PRDM1: variants seen among roughly 807,000 people sequenced by gnomAD.
PRDM1 encodes PR/SET domain 1, also known as PR domain zinc finger protein 1.
In PRDM1, 13 loss-of-function variants were observed where a neutral mutation model predicts 62.8. That is an observed-to-expected ratio of 0.21 (90% CI 0.13 to 0.33). The LOEUF (loss-of-function observed/expected upper bound fraction) is 0.33, where lower values mean the gene tolerates loss of function less well. Among genes scored for constraint, PRDM1 ranks in the 10% least tolerant of loss-of-function variants. The pLI is 1.00. For synonymous variants in PRDM1, 396 were observed against 417.6 expected (o/e 0.95, Z 0.63); for missense variants, 895 against 1,058.8 (o/e 0.85, Z 2.15).
intron 1 of PRDM1, among the ~76,000 whole-genome samples, chr6:106,021,455 A>T (rs753229678): frequency 6.6e-6 from 1 of 152,176 alleles, no homozygotes; most frequent in Non-Finnish European, 1.5e-5. Context: ...GTAAGCCCAG[A>T]CAGGGTTGGT....
chr6:106,105,655 A>C lies in PRDM1; in HGVS notation c.1495A>C (p.Thr499Pro), dbSNP rs1774456868. ...VPAPHSAFSF[T>P]GAAASMKDKA... is the part of the protein sequence containing the mutation. ...GGCGCCCCACAGTGCCTTCTCCTTT[A>C]CCGGGGCCGCCGCCAGCATGAAGGA... Residue 499 changes from threonine (T) to proline (P), a missense_variant, in exon 5 of 7, where the codon ACC becomes CCC. Thr to Pro is a conservative substitution (Grantham distance 38, BLOSUM62 -1). Transcript: ENST00000369096. 6.2e-7 allele frequency: 1 copy of C among 1,612,280 alleles called. No individual in the cohort carries two copies. Among genetic ancestry groups the C allele is most frequent in the Non-Finnish European group, 8.5e-7 (1 of 1,178,834 alleles).
At chr6:106,034,343 G>C (rs1562149307) in intron 1 of PRDM1, among the ~76,000 whole-genome samples, 1 of 151,810 alleles carries the variant, frequency 6.6e-6, no homozygotes, top group Non-Finnish European at 1.5e-5. Flanking sequence ...TATATAGTTA[G>C]GTTGTTGATT....
chr6:106,099,177 T>C (rs1774195460), intron 3 of PRDM1, 123 bp from the exon 4 acceptor site: 1 of 1,603,028 alleles, frequency 6.2e-7, no homozygotes, highest in African/African-American at 1.3e-5. Context: ...GATTGGATTC[T>C]TTTTCTAACT....
chr6:106,014,449 AAAAC>A (rs889913834), intron 1 of PRDM1, among the ~76,000 whole-genome samples: 14 of 151,706 alleles, frequency 9.2e-5, no homozygotes, highest in African/African-American at 2.9e-4. Flanking sequence ...TTCAAAAAAA[AAAAC>A]TTGAATAAAA....
In PRDM1 at chr6:106,086,452, G is replaced by A; in HGVS notation, c.-102G>A. On this transcript the variant is annotated 5_prime_UTR_variant, in exon 1 of 7. Coordinates refer to ENST00000369096, the MANE Select transcript of PRDM1 (RefSeq NM_001198.4). ...GACGCGGGCGCCCGGGCGGCCGGAC[G>A]AAGCGAGGAGGGACCGCCGAGGTGC... The A allele has an allele frequency of 8.2e-7, 1 of 1,216,332 alleles. No individual in the cohort carries two copies. The highest frequency in any genetic ancestry group is 1.2e-6 in the Non-Finnish European group (1 of 867,808). 75.3% of individuals were successfully genotyped at this position (1,216,332 alleles called of 1,614,324 possible). A position where few individuals can be genotyped will look rare whatever the true frequency, so the allele number is the denominator to read the frequency against.
chr6:106,092,514 G>A (rs1773993165), intron 2 of PRDM1, among the ~76,000 whole-genome samples: 1 of 152,162 alleles, frequency 6.6e-6, no homozygotes, highest in South Asian at 2.1e-4. Flanking sequence ...CTTGAGTTAG[G>A]TGAACACATT....
At chr6:106,003,353 C>A (rs1772449777) in intron 1 of PRDM1, among the ~76,000 whole-genome samples, 2 of 152,078 alleles carry the variant, frequency 1.3e-5, no homozygotes, top group South Asian at 4.1e-4. Context: ...TTTAGTTAAC[C>A]CTCAGGGTGG....
intron 1 of PRDM1, among the ~76,000 whole-genome samples, chr6:106,053,696 A>T (rs1773217381): frequency 6.6e-6 from 1 of 152,146 alleles, no homozygotes; most frequent in African/African-American, 2.4e-5. Flanking sequence ...CTTGGGACCT[A>T]GTTATTGAGT....
chr6:106,105,987 T>G (rs1774474876), intron 5 of PRDM1, 54 bp downstream of exon 5: 2 of 1,555,410 alleles, frequency 1.3e-6, no homozygotes, highest in South Asian at 2.5e-5. Context: ...CTTGTGTTTG[T>G]ATTTAGCTTG....
chr6:106,086,468 G>T lies in PRDM1; in HGVS notation c.-86G>T. 2 of 1,372,048 alleles carry T rather than the reference G, an allele frequency of 1.5e-6. No individual in the cohort carries two copies. Among genetic ancestry groups the T allele is most frequent in the Admixed American group, 4.5e-5 (2 of 44,600 alleles). The allele number at this position is 1,372,048 out of a possible 1,614,324, so 85.0% of individuals were successfully genotyped here. A position where few individuals can be genotyped will look rare whatever the true frequency, so the allele number is the denominator to read the frequency against. On this transcript the variant is annotated 5_prime_UTR_variant, in exon 1 of 7. Coordinates refer to ENST00000369096, the MANE Select transcript of PRDM1 (RefSeq NM_001198.4). ...CGGCCGGACGAAGCGAGGAGGGACC[G>T]CCGAGGTGCGCGTCTGTGCGGCTCA... is the stretch of plus-strand genomic sequence containing the variant.
At chr6:106,014,846 T>C (rs1350590663) in intron 1 of PRDM1, among the ~76,000 whole-genome samples, 4 of 152,112 alleles carry the variant, frequency 2.6e-5, no homozygotes, top group South Asian at 2.1e-4. Context: ...CTGTAAATTA[T>C]TGTGATCAAA....
chr6:105,996,964 A>G (rs1772356092), intron 1 of PRDM1, among the ~76,000 whole-genome samples: 1 of 152,222 alleles, frequency 6.6e-6, no homozygotes, highest in South Asian at 2.1e-4. Context: ...AAAAGCTACT[A>G]CTTATTTTTC....
chr6:106,060,684 T>C (rs1366392401), intron 1 of PRDM1, among the ~76,000 whole-genome samples: 1 of 151,938 alleles, frequency 6.6e-6, no homozygotes, highest in Non-Finnish European at 1.5e-5. Context: ...ATTTGAGGAA[T>C]TTCTGGAGTC....
chr6:106,086,671 T>C, intron 1 of PRDM1, 76 bp downstream of exon 1: 1 of 1,348,736 alleles, frequency 7.4e-7, no homozygotes, highest in Admixed American at 2.6e-5. Context: ...TTATTGTTAT[T>C]ATTATTAATT....
At chr6:106,057,052 C>A (rs147624292) in intron 1 of PRDM1, among the ~76,000 whole-genome samples, 1 of 152,196 alleles carries the variant, frequency 6.6e-6, no homozygotes, top group Non-Finnish European at 1.5e-5. Flanking sequence ...GCTTGTACTA[C>A]GTAGGATTTA....
chr6:106,086,743 C>A, intron 1 of PRDM1, 148 bp downstream of exon 1: 1 of 683,348 alleles, frequency 1.5e-6, no homozygotes, highest in Non-Finnish European at 2.4e-6. Flanking sequence ...TGCTGTCAAA[C>A]ATTTGTGAGA....
At chr6:106,104,772 T>A in intron 4 of PRDM1, 53 bp from the exon 5 acceptor site, 1 of 1,532,586 alleles carries the variant, frequency 6.5e-7, no homozygotes. Flanking sequence ...TTGGCAGTTT[T>A]GCTTCAGTTC....
chr6:106,079,229 T>C (rs1773653331), intron 1 of PRDM1, among the ~76,000 whole-genome samples: 1 of 151,972 alleles, frequency 6.6e-6, no homozygotes, highest in Non-Finnish European at 1.5e-5. Flanking sequence ...CCTCCCAAAG[T>C]GCTGGGATTA....
intron 1 of PRDM1, among the ~76,000 whole-genome samples, chr6:106,070,139 G>A (rs1355360516): frequency 6.6e-6 from 1 of 152,156 alleles, no homozygotes; most frequent in East Asian, 1.9e-4. Flanking sequence ...TAGTGGGTTT[G>A]TGTCAGATGG....
Sources: gnomAD v4.1 joint callset for allele counts (sites outside exome capture counted in the v4.1 genomes callset) on GRCh38, gnomAD v4.1.1 for gene constraint, MANE v1.5 for transcripts, NCBI Gene and HGNC (gene_info 2026-07-23, HGNC 2026-07-21) for gene names.